The following DPF3 variants were observed in gnomAD, a reference collection of about 807,000 sequenced individuals.
The protein encoded by DPF3 is double PHD fingers 3.
Under a neutral mutation model 56.8 loss-of-function variants are expected in DPF3, and 18 were observed. The observed-to-expected ratio is 0.32, with a 90% CI of 0.22 to 0.47. The LOEUF is 0.47. Among genes scored for constraint, DPF3 ranks in the 20% least tolerant of loss-of-function variants. The probability of loss-of-function intolerance (pLI) is 1.00; values close to 1 mark genes in which losing one functional copy is unlikely to be tolerated. For synonymous variants in DPF3, 188 were observed against 180.2 expected (o/e 1.04, Z -0.35); for missense variants, 403 against 488.8 (o/e 0.82, Z 1.65).
chr14:72,732,307 G>T (rs1300803048), intron 3 of DPF3, among the ~76,000 whole-genome samples: 16 of 152,338 alleles, frequency 1.1e-4, no homozygotes, highest in Admixed American at 6.5e-5. Flanking sequence ...AACCCCACAG[G>T]TGGTTTTGTA....
chr14:72,825,883 G>A (rs1883778631), intron 1 of DPF3, among the ~76,000 whole-genome samples: 1 of 152,246 alleles, frequency 6.6e-6, no homozygotes, highest in Admixed American at 6.5e-5. Flanking sequence ...ATGTGGCCAT[G>A]GAGGTGGGAG....
chr14:72,790,603 T>C (rs1468442392), intron 1 of DPF3, among the ~76,000 whole-genome samples: 1 of 152,214 alleles, frequency 6.6e-6, no homozygotes, highest in Non-Finnish European at 1.5e-5. Flanking sequence ...ATTCTCATGT[T>C]ACAGATGAGG....
chr14:72,672,060 GACACACACAC>G (rs369762823), intron 8 of DPF3, among the ~76,000 whole-genome samples: 1 of 132,976 alleles, frequency 7.5e-6, no homozygotes, highest in African/African-American at 3.1e-5. Flanking sequence ...CACACACACA[GACACACACAC>G]ACACACACAC....
At chr14:72,680,738 G>C (rs61994456) in intron 7 of DPF3, among the ~76,000 whole-genome samples, 4 of 152,274 alleles carry the variant, frequency 2.6e-5, no homozygotes, top group Non-Finnish European at 4.4e-5. Context: ...AGGAGAGCTG[G>C]AAAGGCAGGT....
At chr14:72,803,834 C>T (rs898384632) in intron 1 of DPF3, among the ~76,000 whole-genome samples, 2 of 152,182 alleles carry the variant, frequency 1.3e-5, no homozygotes, top group Admixed American at 1.3e-4. Flanking sequence ...AGGCTCTGAA[C>T]AACTCAAATA....
At chr14:72,813,352 T>G (rs1883143618) in intron 1 of DPF3, among the ~76,000 whole-genome samples, 1 of 152,110 alleles carries the variant, frequency 6.6e-6, no homozygotes, top group Non-Finnish European at 1.5e-5. Flanking sequence ...CCTGACAGGA[T>G]TCAATCTGGA....
chr14:72,752,787 A>G (rs1463101936), intron 3 of DPF3, among the ~76,000 whole-genome samples: 1 of 152,202 alleles, frequency 6.6e-6, no homozygotes, highest in Non-Finnish European at 1.5e-5. Flanking sequence ...ATCCAAGGTA[A>G]GTGCAATTTT....
chr14:72,691,615 T>A (rs1887686451), intron 7 of DPF3, among the ~76,000 whole-genome samples: 1 of 151,890 alleles, frequency 6.6e-6, no homozygotes, highest in South Asian at 2.1e-4. Context: ...TAGTCCCAAC[T>A]GCTTGGGAGG....
At position 72,616,151 on chromosome 14, in the gene DPF3, T is replaced by C. The variant is rs537795590; in HGVS notation, c.*3146A>G. Among the ~76,000 whole-genome samples the C allele has an allele frequency of 1.2e-4, 18 of 152,308 alleles. No individual in the cohort carries two copies. Among genetic ancestry groups the C allele is most frequent in the African/African-American group, 3.9e-4 (16 of 41,554 alleles). ...TGCAAAGACCATGCTGGATAGGCCATGTTTCCCCACCTTACAGACATGTGA... is the reference window on the plus strand; with the variant it reads ...TGCAAAGACCATGCTGGATAGGCCACGTTTCCCCACCTTACAGACATGTGA... On this transcript the variant is annotated 3_prime_UTR_variant, in exon 11 of 11. Coordinates refer to ENST00000556509, the MANE Select transcript of DPF3 (RefSeq NM_001280542.3).
At position 72,693,125 on chromosome 14, in the gene DPF3, T is replaced by G. The variant is rs1567202476; in HGVS notation, c.693A>C (p.Gln231His). ...TGGGTGGGGACCGAGTCTCCTGGTC[T>G]TGAGCTTCATCCCCCTCCTCGCTGG... ...HLASEEGDEA[Q>H]DQETRSPPNH... Residue 231 changes from glutamine (Q) to histidine (H), a missense_variant, in exon 7 of 11, where the codon CAA becomes CAC. By Grantham distance (24) the Gln-to-His change is conservative (BLOSUM62 0). This residue lies in a region of DPF3 where 340 missense variants were observed against 374.3 expected (regional missense o/e 0.91). Coordinates refer to ENST00000556509, the MANE Select transcript of DPF3 (RefSeq NM_001280542.3). 1 of 1,614,048 alleles carries G rather than the reference T, an allele frequency of 6.2e-7. No homozygotes were observed. Among genetic ancestry groups the G allele is most frequent in the Non-Finnish European group, 8.5e-7 (1 of 1,179,896 alleles).
chr14:72,715,428 A>G (rs1161246270), intron 5 of DPF3, among the ~76,000 whole-genome samples: 2 of 152,072 alleles, frequency 1.3e-5, no homozygotes, highest in Non-Finnish European at 2.9e-5. Context: ...ATTCTTTGGT[A>G]ATGAGTAGCA....
chr14:72,611,120 C>G lies in DPF3; in HGVS notation c.*8177G>C, dbSNP rs531802388. On this transcript the variant is annotated 3_prime_UTR_variant, in exon 11 of 11. Coordinates refer to ENST00000556509, the MANE Select transcript of DPF3 (RefSeq NM_001280542.3). ...GAGGAGCCTTCCCTTGGGCCACCCC[C>G]CACAGAGAAGCTATAGCTCTGAGCC... Among the ~76,000 whole-genome samples, 1 of 152,182 alleles carries G rather than the reference C, an allele frequency of 6.6e-6. No individual in the cohort carries two copies. Among genetic ancestry groups the G allele is most frequent in the Non-Finnish European group, 1.5e-5 (1 of 68,044 alleles).
chr14:72,755,113 T>C (rs73302135), intron 2 of DPF3, among the ~76,000 whole-genome samples: 3,316 of 152,296 alleles, frequency 0.022, 104 homozygotes, highest in African/African-American at 0.076. Flanking sequence ...TGGCCATCTC[T>C]GGGCCTTAGG....
chr14:72,629,812 C>T (rs1885060934), intron 8 of DPF3, 76 bp from the exon 9 acceptor site: 2 of 1,179,246 alleles, frequency 1.7e-6, no homozygotes, highest in Non-Finnish European at 2.4e-6. Flanking sequence ...ACTGGAAACA[C>T]ATTGATGCCC....
At chr14:72,664,568 C>A (rs1335807609) in intron 8 of DPF3, among the ~76,000 whole-genome samples, 2 of 152,054 alleles carry the variant, frequency 1.3e-5, no homozygotes, top group Non-Finnish European at 2.9e-5. Flanking sequence ...AACCCCTCCC[C>A]ACCCCTGTCC....
intron 8 of DPF3, chr14:72,669,875 A>T (rs1411949655): frequency 1.0e-6 from 1 of 984,388 alleles, no homozygotes; most frequent in African/African-American, 1.7e-5. Context: ...TGGGGGAAAA[A>T]GGAAAAAGAA....
intron 1 of DPF3, among the ~76,000 whole-genome samples, chr14:72,828,918 C>T (rs936268399): frequency 2.6e-5 from 4 of 152,132 alleles, no homozygotes; most frequent in African/African-American, 9.7e-5. Context: ...AAATAGAATT[C>T]GCAGGACTGG....
At chr14:72,649,856 T>C (rs1463167598) in intron 8 of DPF3, among the ~76,000 whole-genome samples, 4 of 152,194 alleles carry the variant, frequency 2.6e-5, no homozygotes, top group Non-Finnish European at 2.9e-5. Flanking sequence ...CCCAGCCAAC[T>C]GCTGGCAGAG....
chr14:72,733,438 A>G (rs1311140486), intron 3 of DPF3, among the ~76,000 whole-genome samples: 1 of 152,078 alleles, frequency 6.6e-6, no homozygotes, highest in Non-Finnish European at 1.5e-5. Context: ...AGGGGCCATT[A>G]CCGCTGCTGC....
Sources: allele counts gnomAD v4.1 joint callset (sites outside exome capture counted in the v4.1 genomes callset), GRCh38; gene constraint gnomAD v4.1.1; regional missense constraint gnomAD v4.1.1; transcripts MANE v1.5; gene names NCBI Gene and HGNC (gene_info 2026-07-23, HGNC 2026-07-21).